The following RBFOX1 variants were observed in gnomAD, a reference collection of about 807,000 sequenced individuals.
RBFOX1 encodes the protein RNA binding protein fox-1 homolog 1.
RBFOX1 carries 8 observed loss-of-function variants against 57.7 expected under a neutral mutation model. That is an observed-to-expected ratio of 0.14 (90% CI 0.08 to 0.25). RBFOX1 has a LOEUF of 0.25. RBFOX1 is among the 10% of genes least tolerant of loss of function. The pLI, the probability that RBFOX1 is intolerant of heterozygous loss-of-function variation, is 1.00. For missense variants in RBFOX1, 611 were observed against 548.5 expected (o/e 1.11, Z -1.14); for synonymous variants, 326 against 222.4 (o/e 1.47, Z -4.15).
chr16:7,047,029 A>C (rs1451017178), intron 3 of RBFOX1, among the ~76,000 whole-genome samples: 2 of 149,442 alleles, frequency 1.3e-5, no homozygotes, highest in East Asian at 4.0e-4. Context: ...GAGTATAGAA[A>C]GCTCTTCATG....
intron 1 of RBFOX1, among the ~76,000 whole-genome samples, chr16:6,149,630 G>A (rs922946751): frequency 3.3e-5 from 5 of 152,156 alleles, no homozygotes; most frequent in Non-Finnish European, 5.9e-5. Context: ...TTTTCTTCCA[G>A]GTTTGAATAG....
At chr16:6,226,834 AC>A (rs1353942777) in intron 1 of RBFOX1, among the ~76,000 whole-genome samples, 18 of 151,800 alleles carry the variant, frequency 1.2e-4, no homozygotes, top group Admixed American at 1.2e-3. Flanking sequence ...TTGTGGCTGG[AC>A]ATAGTGCCAC....
chr16:5,546,046 T>A (rs1321243560), intron 2 of RBFOX1, among the ~76,000 whole-genome samples: 1 of 151,748 alleles, frequency 6.6e-6, no homozygotes, highest in Admixed American at 6.6e-5. Flanking sequence ...GAACTGAAAA[T>A]TAAAGTAAAA....
At chr16:5,923,089 G>C (rs1356316972) in intron 4 of RBFOX1, among the ~76,000 whole-genome samples, 1 of 152,156 alleles carries the variant, frequency 6.6e-6, no homozygotes, top group African/African-American at 2.4e-5. Flanking sequence ...CTGCTTGCTG[G>C]AGCAGCTGAT....
intron 1 of RBFOX1, among the ~76,000 whole-genome samples, chr16:6,179,410 C>G (rs1270095372): frequency 6.6e-6 from 1 of 152,138 alleles, no homozygotes; most frequent in Non-Finnish European, 1.5e-5. Flanking sequence ...AGGAATAATT[C>G]TGATCGTAGA....
At chr16:7,337,973 A>C (rs2096824962) in intron 4 of RBFOX1, among the ~76,000 whole-genome samples, 1 of 152,186 alleles carries the variant, frequency 6.6e-6, no homozygotes. Context: ...ATGAGCCACC[A>C]TGCCCAGCCT....
chr16:6,325,531 A>G (rs2082275988), intron 2 of RBFOX1, among the ~76,000 whole-genome samples: 1 of 152,186 alleles, frequency 6.6e-6, no homozygotes, highest in South Asian at 2.1e-4. Flanking sequence ...ATTTAAACTA[A>G]AGAGTAGCTC....
At position 6,925,872 on chromosome 16, in the gene RBFOX1, T is replaced by G. The variant is rs138408695; in HGVS notation, c.-15-126185T>G. Among the ~76,000 whole-genome samples the G allele has an allele frequency of 6.3e-4, 96 of 152,318 alleles. 1 individual carries two copies. Among genetic ancestry groups the G allele is most frequent in the African/African-American group, 2.2e-3 (92 of 41,562 alleles). The stretch of plus-strand genomic sequence containing the variant: ...GTGATTTAAAAAAAAAATCTGTAAT[T>G]ACATTTCTCTATGTAATTTTGTTTT... On this transcript the variant is annotated intron_variant, in intron 3 of 15. Coordinates refer to ENST00000550418, the MANE Select transcript of RBFOX1 (RefSeq NM_018723.4).
intron 3 of RBFOX1, among the ~76,000 whole-genome samples, chr16:5,689,495 A>G (rs1456328639): frequency 6.6e-6 from 1 of 152,172 alleles, no homozygotes; most frequent in Non-Finnish European, 1.5e-5. Context: ...CTAAAGAAAG[A>G]TTGTCTGGTA....
At chr16:6,780,422 A>ATATATATATT (rs2154233535) in intron 3 of RBFOX1, among the ~76,000 whole-genome samples, 1 of 116,136 alleles carries the variant, frequency 8.6e-6, no homozygotes, top group South Asian at 2.5e-4. Flanking sequence ...ATATATATTT[A>ATATATATATT]TATATATTTA....
intron 2 of RBFOX1, among the ~76,000 whole-genome samples, chr16:5,511,427 T>C (rs999780899): frequency 6.6e-6 from 1 of 152,202 alleles, no homozygotes; most frequent in South Asian, 2.1e-4. Flanking sequence ...TTTTTCATTT[T>C]GTCCTTTGTC....
At chr16:7,253,884 T>A (rs1236165215) in intron 4 of RBFOX1, among the ~76,000 whole-genome samples, 1 of 152,186 alleles carries the variant, frequency 6.6e-6, no homozygotes, top group East Asian at 1.9e-4. Flanking sequence ...TTTAATATTT[T>A]GTTCGTTCAT....
chr16:7,672,079 G>A (rs1270171522), intron 13 of RBFOX1, among the ~76,000 whole-genome samples: 1 of 152,124 alleles, frequency 6.6e-6, no homozygotes. Flanking sequence ...AACATTAAGG[G>A]CCAGCATACC....
chr16:6,990,908 G>T (rs2091313928), intron 3 of RBFOX1, among the ~76,000 whole-genome samples: 1 of 152,064 alleles, frequency 6.6e-6, no homozygotes. Context: ...TGATAGAAAA[G>T]TGACTCTCGC....
chr16:6,126,702 CT>C, intron 1 of RBFOX1, among the ~76,000 whole-genome samples: 1 of 151,972 alleles, frequency 6.6e-6, no homozygotes, highest in East Asian at 1.9e-4. Context: ...AGGTTTTGTT[CT>C]TTTTTTACAC....
intron 4 of RBFOX1, among the ~76,000 whole-genome samples, chr16:7,251,957 G>A (rs1313918180): frequency 6.6e-6 from 1 of 152,104 alleles, no homozygotes; most frequent in Non-Finnish European, 1.5e-5. Flanking sequence ...CCCACCAACA[G>A]TGGGGCACTG....
Position 6,242,521 on chromosome 16 carries a change from G to A in RBFOX1, c.-126-74474G>A, listed in dbSNP as rs935362144. ...TGGGAGTACAGGTATGAGCTACAGC[G>A]CCTGGCCTGGTTGGAATAATATTTT... On this transcript the variant is annotated intron_variant, in intron 1 of 15. Transcript: ENST00000550418. 7.3e-5 allele frequency among the ~76,000 whole-genome samples: 11 copies of A among 151,500 alleles called. No homozygotes were observed. The East Asian group carries it at 7.8e-4, about 11-fold the overall frequency.
intron 3 of RBFOX1, among the ~76,000 whole-genome samples, chr16:6,965,694 G>T (rs567049726): frequency 1.3e-4 from 20 of 152,184 alleles, no homozygotes; most frequent in Non-Finnish European, 2.6e-4. Context: ...TATATTATCT[G>T]AACTTAAAAA....
intron 3 of RBFOX1, among the ~76,000 whole-genome samples, chr16:7,003,601 A>G (rs910789719): frequency 5.3e-5 from 8 of 152,348 alleles, no homozygotes; most frequent in African/African-American, 1.4e-4. Flanking sequence ...ACCTCTGGAG[A>G]AAAACTAACC....
Sources: allele counts gnomAD v4.1 joint callset (sites outside exome capture counted in the v4.1 genomes callset), GRCh38; gene constraint gnomAD v4.1.1; transcripts MANE v1.5; gene names NCBI Gene and HGNC (gene_info 2026-07-23, HGNC 2026-07-21).